ANOS1: variants seen among roughly 807,000 people sequenced by gnomAD.
ANOS1 encodes the protein anosmin 1, also known as anosmin-1.
ANOS1 carries 6 observed loss-of-function variants against 59.0 expected under a neutral mutation model. That is an observed-to-expected ratio of 0.10 (90% CI 0.06 to 0.20). ANOS1 has a LOEUF of 0.20. Ranked by LOEUF, ANOS1 falls within the 10% of genes least tolerant of loss-of-function variation. ANOS1 has a pLI of 1.00. For missense variants in ANOS1, 433 were observed against 542.3 expected, an observed-to-expected ratio of 0.80 and a Z score of 2.00; for synonymous variants, 217 against 223.4, an observed-to-expected ratio of 0.97 and a Z score of 0.25.
chrX:8,537,771 T>A (rs1417933830), intron 10 of ANOS1, among the ~76,000 whole-genome samples: 1 of 109,270 alleles, frequency 9.2e-6, no homozygotes, highest in Non-Finnish European at 1.9e-5. Flanking sequence ...TGTGTGTGTG[T>A]GTGTGTGTGT....
intron 2 of ANOS1, among the ~76,000 whole-genome samples, chrX:8,644,398 A>T (rs1297216364): frequency 9.1e-6 from 1 of 110,419 alleles, no homozygotes; most frequent in Non-Finnish European, 1.9e-5. Context: ...CTTAAGACTG[A>T]CAAAACAGAC....
At chrX:8,563,459 C>T (rs1930063769) in intron 8 of ANOS1, among the ~76,000 whole-genome samples, 1 of 112,530 alleles carries the variant, frequency 8.9e-6, no homozygotes, top group African/African-American at 3.2e-5. Context: ...GCTAAAAACT[C>T]TCACTGGTAA....
chrX:8,641,031 G>A (rs1460228730), intron 2 of ANOS1, among the ~76,000 whole-genome samples: 1 of 112,005 alleles, frequency 8.9e-6, no homozygotes, highest in Non-Finnish European at 1.9e-5. Context: ...CCTCATGTCA[G>A]CCTATATGCA....
intron 1 of ANOS1, among the ~76,000 whole-genome samples, chrX:8,728,034 A>G (rs1161075664): frequency 8.9e-6 from 1 of 112,416 alleles, no homozygotes; most frequent in Non-Finnish European, 1.9e-5. Flanking sequence ...CCTTTAACAA[A>G]CACTTTTTTT....
intron 8 of ANOS1, among the ~76,000 whole-genome samples, chrX:8,559,853 C>T (rs2146800321): frequency 9.0e-6 from 1 of 111,479 alleles, no homozygotes; most frequent in African/African-American, 3.3e-5. Context: ...TTTTTTTCTT[C>T]TTTAATTTGT....
In ANOS1 at chrX:8,731,902, C is replaced by G. The variant is rs1932982935; in HGVS notation, c.135G>C (p.Gln45His). 8.4e-7 allele frequency: 1 copy of G among 1,185,832 alleles called. No individual in the cohort carries two copies. Among genetic ancestry groups the G allele is most frequent in the Non-Finnish European group, 1.1e-6 (1 of 884,458 alleles). ...LDESLSAGSV[Q>H]RARCASRCLS... ...GGCACCTGGAGGCGCAGCGAGCGCGCTGGACGCTCCCGGCAGACAGCGACT... is the reference window on the plus strand; with the variant it reads ...GGCACCTGGAGGCGCAGCGAGCGCGGTGGACGCTCCCGGCAGACAGCGACT... The change falls in exon 1 of 14, where the codon CAG (glutamine) becomes CAC (histidine). Residue 45 changes from glutamine to histidine, a missense_variant. Gln to His is a conservative substitution (Grantham distance 24, BLOSUM62 0). Coordinates refer to ENST00000262648, the MANE Select transcript of ANOS1 (RefSeq NM_000216.4).
chrX:8,658,372 A>G (rs1286237062), intron 2 of ANOS1, among the ~76,000 whole-genome samples: 3 of 111,112 alleles, frequency 2.7e-5, no homozygotes, highest in Non-Finnish European at 5.7e-5. Context: ...TCCTTCTCCT[A>G]TTTTCCCTGC....
intron 2 of ANOS1, among the ~76,000 whole-genome samples, chrX:8,624,011 CT>C (rs566769185): frequency 0.015 from 1,063 of 69,345 alleles, 11 homozygotes; most frequent in African/African-American, 0.042. Flanking sequence ...CTTTTCTTTT[CT>C]TTTTTTTTTT....
At position 8,570,517 on chromosome X, in the gene ANOS1, C is replaced by G; in HGVS notation, c.1044G>C (p.Arg348=). Residue 348 remains arginine, a synonymous_variant, in exon 7 of 14, where the codon CGG becomes CGC. Transcript: ENST00000262648. ...CACTCACCCCATCCGTAGTCTTTCT[C>G]CGCTTCTTCTTTGTTGGGACAAGAG... ...SKSLVPTKKK[R]RKTTDGFQNS... is the part of the protein sequence containing the mutation. 1 of 1,209,823 alleles carries G rather than the reference C, an allele frequency of 8.3e-7. No homozygotes were observed. Among genetic ancestry groups the G allele is most frequent in the South Asian group, 1.8e-5 (1 of 56,890 alleles).
At chrX:8,656,253 T>A (rs1238124536) in intron 2 of ANOS1, among the ~76,000 whole-genome samples, 1 of 112,611 alleles carries the variant, frequency 8.9e-6, no homozygotes, top group Non-Finnish European at 1.9e-5. Context: ...ACCTGTTGCC[T>A]CTCTACCTTT....
chrX:8,570,542 G>C lies in ANOS1; in HGVS notation c.1019C>G (p.Ser340Cys). The change falls in exon 7 of 14, where the codon TCT (serine) becomes TGT (cysteine). Residue 340 changes from serine (S) to cysteine (C), a missense_variant. By Grantham distance (112) the Ser-to-Cys change is moderately radical. Coordinates refer to ENST00000262648, the MANE Select transcript of ANOS1 (RefSeq NM_000216.4). ...CCGCTTCTTCTTTGTTGGGACAAGA[G>C]ACTTACTGCTGACCATCCAGCTCCA... is the stretch of plus-strand genomic sequence containing the variant. The part of the protein sequence containing the change: ...VFWSWMVSSK[S>C]LVPTKKKRRK... 1 of 1,211,361 alleles carries C rather than the reference G, an allele frequency of 8.3e-7. No individual in the cohort carries two copies. The highest frequency in any genetic ancestry group is 1.7e-5 in the African/African-American group (1 of 57,800).
chrX:8,568,478 G>C, intron 7 of ANOS1, 102 bp from the exon 8 acceptor site: 1 of 783,640 alleles, frequency 1.3e-6, no homozygotes, highest in Non-Finnish European at 1.9e-6. Flanking sequence ...GCCAACTTCT[G>C]ATTTCTTTTA....
chrX:8,731,987 G>T lies in ANOS1; in HGVS notation c.50C>A (p.Ala17Glu). 1.8e-6 allele frequency: 2 copies of T among 1,098,747 alleles called. No homozygotes were observed. The highest frequency in any genetic ancestry group is 2.4e-6 in the Non-Finnish European group (2 of 843,668). The allele number at this position is 1,098,747 out of a possible 1,213,427, so 90.5% of individuals were successfully genotyped here. The change falls in exon 1 of 14, where the codon GCG (alanine) becomes GAG (glutamate). Residue 17 changes from alanine (A) to glutamate (E), a missense_variant. Transcript: ENST00000262648. ...GGCCGCCAGGCAGCCGCTGGAGGCC[G>T]CCAGCCAGAGGCAGAGGGTCAGGAC... ...GAVLTLCLWL[A>E]ASSGCLAAGP...
Position 8,585,409 on chromosome X carries a change from G to A in ANOS1, c.727-13C>T. 2 of 1,210,382 alleles carry A rather than the reference G, an allele frequency of 1.7e-6. No homozygotes were observed. Among genetic ancestry groups the A allele is most frequent in the Non-Finnish European group, 2.2e-6 (2 of 894,239 alleles). ...GCTCGTCTGTGGTCTGAGGGGACAT[G>A]TCACAGAGCACAGGGAACATGTCAC... On this transcript the variant is annotated splice_polypyrimidine_tract_variant and intron_variant, in intron 5 of 13. Transcript: ENST00000262648.
In ANOS1 at chrX:8,553,958, T is replaced by C. The variant is rs1190987532; in HGVS notation, c.1348A>G (p.Thr450Ala). 15 of 1,208,994 alleles carry C rather than the reference T, an allele frequency of 1.2e-5. No individual in the cohort carries two copies. The highest frequency in any genetic ancestry group is 2.2e-5 in the Admixed American group (1 of 46,040). The change falls in exon 9 of 14, where the codon ACA becomes GCA. Residue 450 changes from threonine to alanine, a missense_variant. Coordinates refer to ENST00000262648, the MANE Select transcript of ANOS1 (RefSeq NM_000216.4). ...QLQVKVYWKK[T>A]EDPTVNRYHV... The stretch of plus-strand genomic sequence containing the variant: ...GTAAGTAATGTTTATGTACCTTCTG[T>C]CTTCTTCCAGTAGACTTTAACTTGC...
At chrX:8,628,113 C>T (rs763760382) in intron 2 of ANOS1, among the ~76,000 whole-genome samples, 6 of 111,451 alleles carry the variant, frequency 5.4e-5, no homozygotes, top group Admixed American at 4.8e-4. Context: ...CAAATGAAAG[C>T]AACCTCTGGT....
chrX:8,615,474 C>T (rs1418424258), intron 3 of ANOS1, among the ~76,000 whole-genome samples: 1 of 98,905 alleles, frequency 1.0e-5, no homozygotes, highest in African/African-American at 3.8e-5. Context: ...ACCTGGGGGG[C>T]GGAGGTTGCA....
intron 2 of ANOS1, among the ~76,000 whole-genome samples, chrX:8,694,263 A>T (rs777674839): frequency 8.9e-6 from 1 of 112,481 alleles, no homozygotes; most frequent in Non-Finnish European, 1.9e-5. Flanking sequence ...CATAAATAAA[A>T]GGGCTGAACA....
intron 5 of ANOS1, 108 bp from the exon 6 acceptor site, chrX:8,585,504 T>G: frequency 2.2e-6 from 2 of 905,933 alleles, no homozygotes; most frequent in Non-Finnish European, 3.2e-6. Flanking sequence ...TGCAACTCAG[T>G]CTGTCTTCCC....
Sources: gnomAD v4.1 joint callset for allele counts (sites outside exome capture counted in the v4.1 genomes callset) on GRCh38, gnomAD v4.1.1 for gene constraint, MANE v1.5 for transcripts, NCBI Gene and HGNC (gene_info 2026-07-23, HGNC 2026-07-21) for gene names.